The following M1AP variants were observed in gnomAD, a reference collection of about 807,000 sequenced individuals.
M1AP encodes meiosis 1 arrest protein.
Under a neutral mutation model 51.2 loss-of-function variants are expected in M1AP, and 39 were observed. That is an observed-to-expected ratio of 0.76 (90% confidence interval 0.59 to 1.00). M1AP has a LOEUF of 1.00. Among genes scored for constraint, M1AP ranks in the 50% least tolerant of loss-of-function variants. M1AP has a pLI of 0.00. For synonymous variants in M1AP, 251 were observed against 249.2 expected (o/e 1.01, Z -0.07); for missense variants, 545 against 641.2 (o/e 0.85, Z 1.62).
intron 4 of M1AP, among the ~76,000 whole-genome samples, chr2:74,597,117 C>T (rs1277764557): frequency 7.2e-5 from 11 of 152,038 alleles, no homozygotes; most frequent in African/African-American, 2.7e-4. Flanking sequence ...AATTATTCCC[C>T]AATAAAGGAA....
Position 74,625,512 on chromosome 2 carries a change from A to G in M1AP, c.241-10363T>C, listed in dbSNP as rs540959702. On this transcript the variant is annotated intron_variant, in intron 2 of 10. Coordinates refer to ENST00000421985, the MANE Select transcript of M1AP (RefSeq NM_001321739.2). ...TCTCCCCATGGTCTGTGTATTAATT[A>G]TTAATTTATTGCCTCTCAACTCCAA... 3.3e-5 allele frequency among the ~76,000 whole-genome samples: 5 copies of G among 152,280 alleles called. No individual in the cohort carries two copies. In the East Asian group the frequency reaches 9.6e-4, roughly 29 times the overall value.
At chr2:74,564,919 G>C (rs1678275641) in intron 7 of M1AP, among the ~76,000 whole-genome samples, 1 of 151,998 alleles carries the variant, frequency 6.6e-6, no homozygotes, top group Admixed American at 6.6e-5. Context: ...TGAATTTTTT[G>C]TCTATTAAGA....
chr2:74,607,803 T>C (rs1681109182), intron 3 of M1AP, among the ~76,000 whole-genome samples: 1 of 152,220 alleles, frequency 6.6e-6, no homozygotes, highest in South Asian at 2.1e-4. Context: ...AGTTTCCTCT[T>C]GAACTTTTAA....
At chr2:74,586,383 C>T (rs1459839654) in intron 4 of M1AP, among the ~76,000 whole-genome samples, 3 of 152,202 alleles carry the variant, frequency 2.0e-5, no homozygotes, top group African/African-American at 7.2e-5. Flanking sequence ...CCTCAGCTCT[C>T]ATTACTTTTT....
intron 2 of M1AP, among the ~76,000 whole-genome samples, chr2:74,616,667 C>G (rs1681686699): frequency 6.6e-6 from 1 of 152,112 alleles, no homozygotes; most frequent in Non-Finnish European, 1.5e-5. Context: ...AGCATAGGCT[C>G]TAAGGGGCAC....
intron 2 of M1AP, among the ~76,000 whole-genome samples, chr2:74,623,014 A>AG (rs901689474): frequency 9.2e-5 from 14 of 151,976 alleles, no homozygotes; most frequent in Non-Finnish European, 1.6e-4. Flanking sequence ...AGCAAAGAAA[A>AG]GGCAGGACAA....
At chr2:74,613,945 A>G (rs1359636952) in intron 3 of M1AP, among the ~76,000 whole-genome samples, 1 of 152,150 alleles carries the variant, frequency 6.6e-6, no homozygotes, top group Non-Finnish European at 1.5e-5. Flanking sequence ...CACACCACCA[A>G]GCCTGGCTAA....
intron 2 of M1AP, chr2:74,615,378 AC>A: frequency 2.0e-6 from 1 of 506,032 alleles, no homozygotes; most frequent in Non-Finnish European, 3.6e-6. Flanking sequence ...ACTTAGAGTT[AC>A]CAGAAACATG....
At chr2:74,639,474 A>T (rs757001461) in intron 2 of M1AP, among the ~76,000 whole-genome samples, 5 of 152,360 alleles carry the variant, frequency 3.3e-5, no homozygotes, top group South Asian at 2.1e-4. Context: ...TTGTTTATGT[A>T]TGAAGGAGCT....
rs1452733663 is a variant in M1AP at position 74,575,490 on chromosome 2, T to C, written c.1022A>G (p.Asp341Gly). The change falls in exon 7 of 11, where the codon GAT (aspartate) becomes GGT (glycine). Residue 341 changes from aspartate (D) to glycine (G), a missense_variant. Transcript: ENST00000421985. The part of the protein sequence containing the change: ...RPTSCWQLDW[D>G]ELETNQQHFH... Reference sequence around the variant, plus strand: ...ATGTTGCTGATTTGTCTCCAGCTCATCCCAGTCCAGCTGCCAACAGCTTGT... The same window carrying C: ...ATGTTGCTGATTTGTCTCCAGCTCACCCCAGTCCAGCTGCCAACAGCTTGT... 6.2e-7 allele frequency: 1 copy of C among 1,614,046 alleles called. No homozygotes were observed. The highest frequency in any genetic ancestry group is 1.3e-5 in the African/African-American group (1 of 74,920).
chr2:74,587,002 CAAA>C (rs1190251502), intron 4 of M1AP, among the ~76,000 whole-genome samples: 2 of 96,076 alleles, frequency 2.1e-5, no homozygotes, highest in Non-Finnish European at 2.3e-5. Context: ...AACTCCATTT[CAAA>C]AAAAAAAAAA....
chr2:74,573,758 C>A (rs1678892621), intron 7 of M1AP, among the ~76,000 whole-genome samples: 1 of 152,056 alleles, frequency 6.6e-6, no homozygotes, highest in South Asian at 2.1e-4. Flanking sequence ...TATCTTCATC[C>A]CTTTCCTGAC....
intron 4 of M1AP, among the ~76,000 whole-genome samples, chr2:74,583,447 C>T (rs1679531010): frequency 6.6e-6 from 1 of 152,098 alleles, no homozygotes; most frequent in Non-Finnish European, 1.5e-5. Flanking sequence ...TGCTGGTGTA[C>T]TTCCAGCTTC....
intron 1 of M1AP, among the ~76,000 whole-genome samples, chr2:74,644,261 C>T (rs898902141): frequency 2.6e-5 from 4 of 152,080 alleles, no homozygotes; most frequent in Non-Finnish European, 4.4e-5. Flanking sequence ...ATAGATAGGC[C>T]GGGCGCAGTG....
chr2:74,586,612 G>A (rs550781118), intron 4 of M1AP, among the ~76,000 whole-genome samples: 3 of 152,052 alleles, frequency 2.0e-5, no homozygotes, highest in Admixed American at 6.5e-5. Flanking sequence ...AATATTAATC[G>A]CACTGCTGAT....
chr2:74,640,404 G>A (rs768181659), intron 1 of M1AP, 77 bp from the exon 2 acceptor site: 53 of 1,235,312 alleles, frequency 4.3e-5, no homozygotes, highest in Non-Finnish European at 5.0e-5. Context: ...AATACAAGTC[G>A]AGGGAAACAA....
intron 4 of M1AP, among the ~76,000 whole-genome samples, chr2:74,598,998 C>T (rs1680518059): frequency 6.6e-6 from 1 of 151,986 alleles, no homozygotes; most frequent in African/African-American, 2.4e-5. Flanking sequence ...ATTATATGGG[C>T]TGGGCACGGT....
At chr2:74,643,642 G>A (rs1683440565) in intron 1 of M1AP, among the ~76,000 whole-genome samples, 1 of 150,106 alleles carries the variant, frequency 6.7e-6, no homozygotes, top group Non-Finnish European at 1.5e-5. Context: ...CCAGGCTGGA[G>A]TGCAGCAGTG....
At chr2:74,642,913 T>C (rs1318837310) in intron 1 of M1AP, among the ~76,000 whole-genome samples, 3 of 152,220 alleles carry the variant, frequency 2.0e-5, no homozygotes, top group Admixed American at 6.5e-5. Flanking sequence ...AGATGGGGTC[T>C]TGCTATGTTG....
Sources: allele counts gnomAD v4.1 joint callset (sites outside exome capture counted in the v4.1 genomes callset), GRCh38; gene constraint gnomAD v4.1.1; transcripts MANE v1.5; gene names NCBI Gene and HGNC (gene_info 2026-07-23, HGNC 2026-07-21).